Variants in FBXO36 observed in about 807,000 individuals in gnomAD.
FBXO36 encodes the protein F-box protein 36, also known as F-box only protein 36.
FBXO36 carries 18 observed loss-of-function variants against 17.0 expected under a neutral mutation model. The observed-to-expected ratio is 1.06, with a 90% CI of 0.73 to 1.57. FBXO36 has a LOEUF of 1.57. Among genes scored for constraint, FBXO36 ranks in the 40% most tolerant of loss-of-function variants. The pLI is 0.00. For synonymous variants in FBXO36, 83 were observed against 85.3 expected (o/e 0.97, Z 0.15); for missense variants, 229 against 221.9 (o/e 1.03, Z -0.20).
intron 3 of FBXO36, among the ~76,000 whole-genome samples, chr2:229,998,253 G>A (rs1414828821): frequency 6.6e-6 from 1 of 151,998 alleles, no homozygotes; most frequent in African/African-American, 2.4e-5. Context: ...GGGAGGATTG[G>A]TTGAGCCTAG....
rs1228230304 is a variant in FBXO36 at position 230,011,867 on chromosome 2, T to C, written c.*983T>C. On this transcript the variant is annotated 3_prime_UTR_variant, in exon 4 of 4. Transcript: ENST00000283946. ...AGTTAACTAAGTAAAAATGTAAATA[T>C]GGTTTGCATGCTGTTAACATGGCAG... 6.6e-6 allele frequency: 1 copy of C among 152,182 alleles called. No homozygotes were observed. Among genetic ancestry groups the C allele is most frequent in the Non-Finnish European group, 1.5e-5 (1 of 68,036 alleles). 9.4% of individuals were successfully genotyped at this position (152,182 alleles called of 1,614,324 possible).
At chr2:229,945,166 G>A (rs1338859187) in intron 1 of FBXO36, 1 of 152,164 alleles carries the variant, frequency 6.6e-6, no homozygotes, top group Non-Finnish European at 1.5e-5. Context: ...CAGCAGTGAG[G>A]TAAAGGAGAG....
chr2:229,960,583 T>C (rs1225163999), intron 1 of FBXO36, among the ~76,000 whole-genome samples: 2 of 151,998 alleles, frequency 1.3e-5, no homozygotes, highest in African/African-American at 2.4e-5. Flanking sequence ...CTCGAACACC[T>C]GAGCTCAAGC....
chr2:229,962,204 C>G, intron 1 of FBXO36, among the ~76,000 whole-genome samples: 1 of 151,850 alleles, frequency 6.6e-6, no homozygotes, highest in Middle Eastern at 3.4e-3. Context: ...GTTTTATACT[C>G]CTTATGTTAT....
chr2:229,981,278 C>A (rs1373130985), intron 2 of FBXO36, among the ~76,000 whole-genome samples: 1 of 152,080 alleles, frequency 6.6e-6, no homozygotes, highest in Non-Finnish European at 1.5e-5. Context: ...CACTAGAGGC[C>A]AGAAGTTTGA....
At chr2:229,992,252 G>C (rs376191346) in intron 2 of FBXO36, among the ~76,000 whole-genome samples, 1 of 151,774 alleles carries the variant, frequency 6.6e-6, no homozygotes, top group East Asian at 1.9e-4. Flanking sequence ...CTGCCTCCCG[G>C]GTTCAAGCAA....
intron 1 of FBXO36, among the ~76,000 whole-genome samples, chr2:229,927,062 G>A (rs2076916756): frequency 6.6e-6 from 1 of 152,082 alleles, no homozygotes; most frequent in Non-Finnish European, 1.5e-5. Context: ...GTTTCACCAT[G>A]TTGGCCAGGC....
intron 1 of FBXO36, among the ~76,000 whole-genome samples, chr2:229,972,228 C>G (rs368216807): frequency 1.3e-5 from 2 of 148,948 alleles, no homozygotes; most frequent in East Asian, 4.1e-4. Context: ...GAACTCCTGA[C>G]CTCAGGTGAT....
intron 1 of FBXO36, among the ~76,000 whole-genome samples, chr2:229,962,191 T>C (rs2077124983): frequency 6.6e-6 from 1 of 151,818 alleles, no homozygotes; most frequent in Non-Finnish European, 1.5e-5. Flanking sequence ...AAAAAAAAAT[T>C]AGGTTTTATA....
intron 2 of FBXO36, among the ~76,000 whole-genome samples, chr2:229,980,866 G>A (rs1392131187): frequency 2.6e-5 from 4 of 152,078 alleles, no homozygotes; most frequent in African/African-American, 7.2e-5. Context: ...GTGGTTTCCC[G>A]CCAGCAGCAG....
chr2:229,998,912 C>A (rs894588771), intron 3 of FBXO36, among the ~76,000 whole-genome samples: 1 of 149,612 alleles, frequency 6.7e-6, no homozygotes, highest in African/African-American at 2.5e-5. Context: ...ACGCCATTCT[C>A]CTGCCTCAGC....
At chr2:229,983,270 G>T (rs1379544234) in intron 2 of FBXO36, among the ~76,000 whole-genome samples, 1 of 151,998 alleles carries the variant, frequency 6.6e-6, no homozygotes, top group African/African-American at 2.4e-5. Context: ...AGCTACTCGG[G>T]AGGCTGAGGC....
At chr2:229,968,445 C>T (rs1331299719) in intron 1 of FBXO36, among the ~76,000 whole-genome samples, 1 of 152,080 alleles carries the variant, frequency 6.6e-6, no homozygotes, top group Non-Finnish European at 1.5e-5. Flanking sequence ...ACTTATATAT[C>T]TAGCAAATTT....
intron 1 of FBXO36, among the ~76,000 whole-genome samples, chr2:229,961,538 G>C (rs1479163855): frequency 6.6e-6 from 1 of 152,086 alleles, no homozygotes; most frequent in African/African-American, 2.4e-5. Flanking sequence ...ACCACGCCCA[G>C]CTAATTTTTG....
At chr2:229,953,557 C>T (rs749905354) in intron 1 of FBXO36, among the ~76,000 whole-genome samples, 9 of 151,136 alleles carry the variant, frequency 6.0e-5, no homozygotes, top group Non-Finnish European at 1.3e-4. Flanking sequence ...TGGTACATGC[C>T]TGTAGTCCCA....
chr2:229,950,581 C>G (rs984467526), intron 1 of FBXO36, among the ~76,000 whole-genome samples: 3 of 152,166 alleles, frequency 2.0e-5, no homozygotes, highest in African/African-American at 7.2e-5. Flanking sequence ...TATCATAGAT[C>G]TAATTAGCTA....
At chr2:230,006,040 A>G (rs1231930945) in intron 3 of FBXO36, among the ~76,000 whole-genome samples, 1 of 151,206 alleles carries the variant, frequency 6.6e-6, no homozygotes, top group African/African-American at 2.4e-5. Context: ...TTTTTTATTT[A>G]GTTCTCATAG....
At chr2:229,999,799 C>T (rs772444824) in intron 3 of FBXO36, among the ~76,000 whole-genome samples, 1 of 151,868 alleles carries the variant, frequency 6.6e-6, no homozygotes, top group African/African-American at 2.4e-5. Flanking sequence ...TATTTAATCA[C>T]CCAGGTTAAT....
intron 2 of FBXO36, among the ~76,000 whole-genome samples, chr2:229,988,839 T>TG (rs1427655082): frequency 6.0e-5 from 9 of 149,524 alleles, no homozygotes; most frequent in South Asian, 4.2e-4. Context: ...TTTTTTTTTT[T>TG]TTTTGTTTTT....
Sources: allele counts gnomAD v4.1 joint callset (sites outside exome capture counted in the v4.1 genomes callset), GRCh38; gene constraint gnomAD v4.1.1; transcripts MANE v1.5; gene names NCBI Gene and HGNC (gene_info 2026-07-23, HGNC 2026-07-21).